The following ESR1 variants were observed in gnomAD, a reference collection of about 807,000 sequenced individuals.
ESR1 encodes the protein estrogen receptor 1.
In ESR1, 12 loss-of-function variants were observed where a neutral mutation model predicts 52.7. The observed-to-expected ratio is 0.23, with a 90% CI of 0.15 to 0.37. The LOEUF (loss-of-function observed/expected upper bound fraction) is 0.37, where lower values mean the gene tolerates loss of function less well. ESR1 is among the 10% of genes least tolerant of loss of function. ESR1 has a pLI of 1.00. For missense variants in ESR1, 584 were observed against 779.7 expected (o/e 0.75, Z 2.99); for synonymous variants, 305 against 316.8 (o/e 0.96, Z 0.39).
At chr6:152,067,484 A>T (rs1384943151) in intron 6 of ESR1, among the ~76,000 whole-genome samples, 2 of 152,334 alleles carry the variant, frequency 1.3e-5, no homozygotes, top group East Asian at 3.9e-4. Flanking sequence ...ACTCAATTTG[A>T]TTACCATTTT....
At chr6:151,843,778 G>A (rs555349122) in intron 2 of ESR1, among the ~76,000 whole-genome samples, 16 of 152,078 alleles carry the variant, frequency 1.1e-4, no homozygotes, top group Non-Finnish European at 2.2e-4. Context: ...ACCAGAGTCC[G>A]CTAAGTTAAT....
Position 152,102,696 on chromosome 6 carries a change from C to T in ESR1, c.*3730C>T, listed in dbSNP as rs892096376. On this transcript the variant is annotated 3_prime_UTR_variant, in exon 8 of 8. Coordinates refer to ENST00000206249, the MANE Select transcript of ESR1 (RefSeq NM_000125.4). ...GTTTTTAGTCATTTAAAATTGTTTT[C>T]TAAGTAATTGCTGCCTCTATTATGG... 4.6e-6 allele frequency: 1 copy of T among 219,436 alleles called. No individual in the cohort carries two copies. The highest frequency in any genetic ancestry group is 2.2e-5 in the African/African-American group (1 of 44,580). The allele number at this position is 219,436 out of a possible 1,614,324, so 13.6% of individuals were successfully genotyped here. A position where few individuals can be genotyped will look rare whatever the true frequency, so the allele number is the denominator to read the frequency against.
intron 1 of ESR1, among the ~76,000 whole-genome samples, chr6:151,834,968 G>A (rs1367479953): frequency 6.6e-6 from 1 of 152,094 alleles, no homozygotes; most frequent in African/African-American, 2.4e-5. Flanking sequence ...AAGCTGCTGA[G>A]GGCTTGGAGT....
intron 4 of ESR1, among the ~76,000 whole-genome samples, chr6:151,980,206 A>G (rs2039860447): frequency 1.3e-5 from 2 of 152,210 alleles, no homozygotes; most frequent in South Asian, 4.1e-4. Context: ...AATAAATTCA[A>G]ATGGTAAGCT....
At chr6:151,749,716 A>G (rs1783757208) in intron 2 of ESR1, among the ~76,000 whole-genome samples, 1 of 152,056 alleles carries the variant, frequency 6.6e-6, no homozygotes, top group African/African-American at 2.4e-5. Flanking sequence ...GAGGAAGGGG[A>G]TCACGGAGCT....
chr6:151,898,842 C>T (rs1795987696), intron 3 of ESR1, among the ~76,000 whole-genome samples: 1 of 152,216 alleles, frequency 6.6e-6, no homozygotes, highest in African/African-American at 2.4e-5. Context: ...TCAATCTTTT[C>T]CCCACCTTTC....
intron 6 of ESR1, among the ~76,000 whole-genome samples, chr6:152,075,289 TACTC>T (rs1419471822): frequency 6.6e-6 from 1 of 152,230 alleles, no homozygotes; most frequent in Non-Finnish European, 1.5e-5. Flanking sequence ...AAGGGGTTTT[TACTC>T]TCAAAATGTT....
intron 2 of ESR1, among the ~76,000 whole-genome samples, chr6:151,735,626 T>G (rs1782587995): frequency 6.6e-6 from 1 of 152,120 alleles, no homozygotes; most frequent in Non-Finnish European, 1.5e-5. Context: ...ATGCATGAAT[T>G]GTATAGTGCT....
chr6:151,952,965 T>G (rs1358103227), intron 4 of ESR1, among the ~76,000 whole-genome samples: 5 of 152,372 alleles, frequency 3.3e-5, no homozygotes, highest in South Asian at 2.1e-4. Context: ...AATATCCACG[T>G]GAAGTTATCA....
At chr6:151,865,495 A>G (rs1199890700) in intron 2 of ESR1, among the ~76,000 whole-genome samples, 1 of 152,186 alleles carries the variant, frequency 6.6e-6, no homozygotes, top group Non-Finnish European at 1.5e-5. Flanking sequence ...GGAGCTTGGG[A>G]CTCAAACAGC....
At chr6:151,781,891 T>G (rs1453849407) in intron 2 of ESR1, among the ~76,000 whole-genome samples, 3 of 152,236 alleles carry the variant, frequency 2.0e-5, no homozygotes, top group Admixed American at 1.3e-4. Context: ...GTGTCTGGTA[T>G]AAATGATTTT....
At chr6:152,112,185 C>T (rs2051153999) in intron 6 of ESR1, among the ~76,000 whole-genome samples, 1 of 152,168 alleles carries the variant, frequency 6.6e-6, no homozygotes, top group African/African-American at 2.4e-5. Flanking sequence ...GGACAGAACT[C>T]AAGGCAGCTC....
chr6:151,895,047 C>CA (rs1795271623), intron 3 of ESR1, among the ~76,000 whole-genome samples: 1 of 151,528 alleles, frequency 6.6e-6, no homozygotes. Flanking sequence ...TTGTTTGTGT[C>CA]ATCTATGATT....
chr6:151,661,710 G>A (rs1777643812), intron 1 of ESR1, among the ~76,000 whole-genome samples: 1 of 152,176 alleles, frequency 6.6e-6, no homozygotes, highest in Non-Finnish European at 1.5e-5. Flanking sequence ...GGAGCGACCT[G>A]ATGGGAAGTG....
chr6:151,838,630 G>T (rs1783784125), intron 1 of ESR1, among the ~76,000 whole-genome samples: 1 of 152,172 alleles, frequency 6.6e-6, no homozygotes, highest in Admixed American at 6.5e-5. Context: ...GACCGCTCTT[G>T]CCTTTTAGTT....
At chr6:151,851,058 T>C (rs984202526) in intron 2 of ESR1, among the ~76,000 whole-genome samples, 1 of 152,202 alleles carries the variant, frequency 6.6e-6, no homozygotes, top group Non-Finnish European at 1.5e-5. Context: ...GCCCATGGAA[T>C]GGTCCTTAAA....
intron 2 of ESR1, among the ~76,000 whole-genome samples, chr6:151,849,783 T>C (rs1430040752): frequency 6.6e-6 from 1 of 151,330 alleles, no homozygotes; most frequent in African/African-American, 2.4e-5. Context: ...AATGGTAGTT[T>C]GGAGGAAAAT....
At chr6:151,992,159 T>C (rs763092969) in intron 4 of ESR1, among the ~76,000 whole-genome samples, 1 of 152,204 alleles carries the variant, frequency 6.6e-6, no homozygotes, top group Non-Finnish European at 1.5e-5. Context: ...ATTGTGATAA[T>C]ATATAAGTAA....
chr6:151,913,504 G>T (rs1359288635), intron 3 of ESR1, among the ~76,000 whole-genome samples: 1 of 152,188 alleles, frequency 6.6e-6, no homozygotes, highest in African/African-American at 2.4e-5. Context: ...ATTCACTGGT[G>T]CAAGGAAGAA....
Sources: gnomAD v4.1 joint callset for allele counts (sites outside exome capture counted in the v4.1 genomes callset) on GRCh38, gnomAD v4.1.1 for gene constraint, MANE v1.5 for transcripts, NCBI Gene and HGNC (gene_info 2026-07-23, HGNC 2026-07-21) for gene names.